Variants in SMARCA2 observed in about 807,000 individuals in gnomAD.
The protein encoded by SMARCA2 is SWI/SNF related BAF chromatin remodeling complex subunit ATPase 2.
In SMARCA2, 61 loss-of-function variants were observed where a neutral mutation model predicts 199.8. That is an observed-to-expected ratio of 0.31 (90% CI 0.25 to 0.38). The LOEUF (loss-of-function observed/expected upper bound fraction) is 0.38, where lower values mean the gene tolerates loss of function less well. SMARCA2 is among the 10% of genes least tolerant of loss of function. The pLI, the probability that SMARCA2 is intolerant of heterozygous loss-of-function variation, is 1.00. For missense variants in SMARCA2, 1,344 were observed against 2,012.2 expected (o/e 0.67, Z 6.35); for synonymous variants, 935 against 732.0 (o/e 1.28, Z -4.48).
chr9:2,138,203 T>A (rs1824299552), intron 27 of SMARCA2, among the ~76,000 whole-genome samples: 1 of 152,068 alleles, frequency 6.6e-6, no homozygotes, highest in Non-Finnish European at 1.5e-5. Flanking sequence ...AACAGATAAA[T>A]ACATCTAACT....
intron 29 of SMARCA2, among the ~76,000 whole-genome samples, chr9:2,175,784 C>T (rs1195594840): frequency 7.9e-5 from 12 of 152,292 alleles, no homozygotes; most frequent in Admixed American, 6.5e-4. Flanking sequence ...ATATCTCCTT[C>T]TGGTCGTTTT....
intron 27 of SMARCA2, among the ~76,000 whole-genome samples, chr9:2,142,830 C>G (rs542056855): frequency 1.3e-5 from 2 of 152,062 alleles, no homozygotes; most frequent in Admixed American, 6.5e-5. Context: ...TGTTAGAACG[C>G]GTTTCCCTAG....
At position 2,039,804 on chromosome 9, in the gene SMARCA2, C is replaced by A. The variant is rs750557515; in HGVS notation, c.694C>A (p.Gln232Lys). 1.2e-6 allele frequency: 2 copies of A among 1,607,584 alleles called. No individual in the cohort carries two copies. The highest frequency in any genetic ancestry group is 2.2e-5 in the South Asian group (2 of 90,518). ...GCAGCAGCAGCAGCAGCAGCAGCAG[C>A]AGCAGCAGCAGCAACAGCAGCCGCA... ...QQQQQQQQQQ[Q>K]QQQQQQPQQQ... The change falls in exon 4 of 34, where the codon CAG becomes AAG. Residue 232 changes from glutamine (Q) to lysine (K), a missense_variant. This residue lies in a region of SMARCA2 where 117 missense variants were observed against 99.1 expected (regional missense o/e 1.18). Coordinates refer to ENST00000349721, the MANE Select transcript of SMARCA2 (RefSeq NM_003070.5). The surrounding 1 kb of genome is among the most constrained non-coding windows in gnomAD (Gnocchi z 4.8).
intron 15 of SMARCA2, among the ~76,000 whole-genome samples, chr9:2,082,937 C>A (rs1475840518): frequency 2.0e-5 from 3 of 152,134 alleles, no homozygotes; most frequent in Non-Finnish European, 4.4e-5. Flanking sequence ...TCCCCTGTTC[C>A]CTCTTGACAG....
chr9:2,070,683 A>T (rs965343744), intron 10 of SMARCA2, among the ~76,000 whole-genome samples: 7 of 152,248 alleles, frequency 4.6e-5, no homozygotes, highest in African/African-American at 1.4e-4. Flanking sequence ...CAATCAACTG[A>T]TATTAAATGT....
chr9:2,184,864 C>G (rs914151490), intron 31 of SMARCA2, among the ~76,000 whole-genome samples: 1 of 151,436 alleles, frequency 6.6e-6, no homozygotes, highest in Non-Finnish European at 1.5e-5. Context: ...CTCTCTCTCG[C>G]GCGGGTCCTT....
intron 31 of SMARCA2, among the ~76,000 whole-genome samples, chr9:2,184,858 C>CTCTCTG (rs1365692897): frequency 6.6e-6 from 1 of 151,988 alleles, no homozygotes; most frequent in Non-Finnish European, 1.5e-5. Context: ...TCCTCTCTCT[C>CTCTCTG]TCTCGCGCGG....
Position 2,054,564 on chromosome 9 carries a change from GC to G in SMARCA2, c.1047-28del, listed in dbSNP as rs762104359. 1.8e-4 allele frequency: 280 copies of G among 1,597,208 alleles called. 2 individuals carry two copies. In the African/African-American group the frequency reaches 3.1e-3, roughly 18 times the overall value. On this transcript the variant is annotated intron_variant, in intron 5 of 33. Transcript: ENST00000349721. ...TTAAATTGTAATGTGTTTTTCCCCT[GC>G]CCCCTTTTCCCCATTTTATTGTTTC...
At position 2,039,501 on chromosome 9, in the gene SMARCA2, C is replaced by T. The variant is rs778176567; in HGVS notation, c.391C>T (p.Pro131Ser). 3.1e-6 allele frequency: 5 copies of T among 1,613,916 alleles called. No homozygotes were observed. Among genetic ancestry groups the T allele is most frequent in the Non-Finnish European group, 4.2e-6 (5 of 1,180,010 alleles). ...ACCACACCCATCTCCATTAGGAGCCCCAGAGCACGTCTCCAGCCCTATGTC... is the reference window on the plus strand; with the variant it reads ...ACCACACCCATCTCCATTAGGAGCCTCAGAGCACGTCTCCAGCCCTATGTC... Reference protein sequence around the residue: ...MSPHPSPLGAPEHVSSPMSGG... With the variant: ...MSPHPSPLGASEHVSSPMSGG... The change falls in exon 4 of 34, where the codon CCA becomes TCA. Residue 131 changes from proline to serine, a missense_variant. By Grantham distance (74) the Pro-to-Ser change is moderately conservative. Around this residue, in one of 18 missense-constraint regions of SMARCA2, gnomAD observed 275 missense variants for 247.5 expected, o/e 1.11. Coordinates refer to ENST00000349721, the MANE Select transcript of SMARCA2 (RefSeq NM_003070.5). The surrounding 1 kb of genome is among the most constrained non-coding windows in gnomAD (Gnocchi z 4.8).
chr9:2,193,610 A>T lies in SMARCA2; in HGVS notation c.*871A>T, dbSNP rs1435267456. On this transcript the variant is annotated 3_prime_UTR_variant, in exon 34 of 34. Coordinates refer to ENST00000349721, the MANE Select transcript of SMARCA2 (RefSeq NM_003070.5). ...TTGGTGCTTTCCTAATAAAGAAATA[A>T]TTTAGCTTGACAAATGCAGCCTCTT... The T allele has an allele frequency of 2.6e-5, 4 of 152,674 alleles. No individual in the cohort carries two copies. The highest frequency in any genetic ancestry group is 2.9e-5 in the Non-Finnish European group (2 of 68,046). 9.5% of individuals were successfully genotyped at this position (152,674 alleles called of 1,614,324 possible).
intron 29 of SMARCA2, among the ~76,000 whole-genome samples, chr9:2,175,057 G>A (rs73376723): frequency 0.079 from 11,982 of 151,830 alleles, 529 homozygotes; most frequent in Middle Eastern, 0.13. Flanking sequence ...TCATGAGCGC[G>A]TGTAACGTCT....
chr9:2,111,640 G>T (rs774221840), intron 24 of SMARCA2, among the ~76,000 whole-genome samples: 1 of 152,138 alleles, frequency 6.6e-6, no homozygotes, highest in Non-Finnish European at 1.5e-5. Context: ...AGACTGAGTG[G>T]CAGTGCCATA....
At chr9:2,098,511 C>A (rs551243416) in intron 21 of SMARCA2, among the ~76,000 whole-genome samples, 108 of 152,210 alleles carry the variant, frequency 7.1e-4, no homozygotes, top group African/African-American at 2.5e-3. Context: ...TCAAGGAGTC[C>A]ATAGGAGAAA....
intron 16 of SMARCA2, 101 bp downstream of exon 16, chr9:2,083,514 G>A (rs1259901382): frequency 5.7e-6 from 4 of 699,770 alleles, no homozygotes; most frequent in Admixed American, 5.1e-5. Flanking sequence ...TGGTTGTAAA[G>A]TTTTGTCATG....
At chr9:2,040,892 C>T (rs1819576385) in intron 4 of SMARCA2, 1 of 152,736 alleles carries the variant, frequency 6.5e-6, no homozygotes, top group Non-Finnish European at 1.5e-5. Flanking sequence ...GTTGTTTTCT[C>T]TAGGAAGCGT....
chr9:2,088,566 T>C lies in SMARCA2; in HGVS notation c.2836T>C (p.Leu946=). ...TCTACATAAGGTGTTAAGACCATTT[T>C]TACTAAGGAGACTGAAGAAAGAAGT... is the stretch of plus-strand genomic sequence containing the variant. ...RRLHKVLRPF[L]LRRLKKEVES... The change falls in exon 19 of 34, where the codon TTA becomes CTA. Residue 946 remains leucine, a synonymous_variant. Coordinates refer to ENST00000349721, the MANE Select transcript of SMARCA2 (RefSeq NM_003070.5). 6.3e-7 allele frequency: 1 copy of C among 1,597,836 alleles called. No individual in the cohort carries two copies. The highest frequency in any genetic ancestry group is 8.5e-7 in the Non-Finnish European group (1 of 1,176,184).
chr9:2,088,653 TC>T, intron 19 of SMARCA2, 40 bp downstream of exon 19: 1 of 1,356,454 alleles, frequency 7.4e-7, no homozygotes, highest in African/African-American at 1.5e-5. Flanking sequence ...TTTTTTTTCC[TC>T]CAGCAAATAT....
At chr9:2,096,037 G>C (rs1185482813) in intron 19 of SMARCA2, among the ~76,000 whole-genome samples, 2 of 152,160 alleles carry the variant, frequency 1.3e-5, no homozygotes, top group Non-Finnish European at 2.9e-5. Context: ...AGCACAGGAG[G>C]CCTTGTCCTC....
At chr9:2,102,298 A>G (rs1822555354) in intron 22 of SMARCA2, among the ~76,000 whole-genome samples, 1 of 151,752 alleles carries the variant, frequency 6.6e-6, no homozygotes, top group African/African-American at 2.4e-5. Context: ...AGCTTTCCCT[A>G]CCTCTCCTTG....
Sources: gnomAD v4.1 joint callset for allele counts (sites outside exome capture counted in the v4.1 genomes callset) on GRCh38, gnomAD v4.1.1 for gene constraint, gnomAD v4.1.1 regional missense constraint, Gnocchi (gnomAD v3.1) non-coding constraint, MANE v1.5 for transcripts, NCBI Gene and HGNC (gene_info 2026-07-23, HGNC 2026-07-21) for gene names.